PTPRD: variants seen among roughly 807,000 people sequenced by gnomAD.
The protein encoded by PTPRD is receptor-type tyrosine-protein phosphatase delta.
Under a neutral mutation model 214.5 loss-of-function variants are expected in PTPRD, and 34 were observed. The observed-to-expected ratio is 0.16, with a 90% CI of 0.12 to 0.21. The LOEUF (loss-of-function observed/expected upper bound fraction) is 0.21. Among genes scored for constraint, PTPRD ranks in the 10% least tolerant of loss-of-function variants. The pLI, the probability that PTPRD is intolerant of heterozygous loss-of-function variation, is 1.00. For missense variants in PTPRD, 2,545 were observed against 2,398.7 expected, an observed-to-expected ratio of 1.06 and a Z score of -1.27; for synonymous variants, 1,128 against 845.7, an observed-to-expected ratio of 1.33 and a Z score of -5.79.
In PTPRD at chr9:8,830,387, A is replaced by G. The variant is rs545611214; in HGVS notation, c.-103-96441T>C. On this transcript the variant is annotated intron_variant, in intron 11 of 45. Transcript: ENST00000381196. ...TTAAAAGATATGAGATAAATTTTAT[A>G]GAAATTGTAAGACTTCTGGGCACTC... Among the ~76,000 whole-genome samples, 5 of 152,324 alleles carry G rather than the reference A, an allele frequency of 3.3e-5. No individual in the cohort carries two copies. In the East Asian group the frequency reaches 9.6e-4, roughly 29 times the overall value.
intron 8 of PTPRD, among the ~76,000 whole-genome samples, chr9:9,548,244 A>T (rs117480491): frequency 0.016 from 2,498 of 152,064 alleles, 40 homozygotes; most frequent in Admixed American, 0.026. Flanking sequence ...CTAATAGAAG[A>T]TAAATAGCAA....
At chr9:9,423,313 C>G (rs556354982) in intron 8 of PTPRD, among the ~76,000 whole-genome samples, 7 of 151,964 alleles carry the variant, frequency 4.6e-5, no homozygotes, top group Non-Finnish European at 8.8e-5. Context: ...AATAAGAGAC[C>G]AGGGTTCTCT....
intron 3 of PTPRD, among the ~76,000 whole-genome samples, chr9:10,055,882 A>T (rs10958848): frequency 0.22 from 33,152 of 150,780 alleles, 4,514 homozygotes; most frequent in Middle Eastern, 0.38. Flanking sequence ...TATATATATA[A>T]ATGTATAATG....
chr9:8,357,296 G>C (rs1238971344), intron 39 of PTPRD, among the ~76,000 whole-genome samples: 1 of 152,176 alleles, frequency 6.6e-6, no homozygotes, highest in African/African-American at 2.4e-5. Flanking sequence ...TGAAGTTAAA[G>C]CTATTCCCTC....
At chr9:9,444,509 G>T (rs2089649311) in intron 8 of PTPRD, among the ~76,000 whole-genome samples, 1 of 152,160 alleles carries the variant, frequency 6.6e-6, no homozygotes, top group Non-Finnish European at 1.5e-5. Context: ...TTGGTAGAAT[G>T]AATTAACTTG....
chr9:8,918,671 C>T (rs1268185227), intron 11 of PTPRD, among the ~76,000 whole-genome samples: 1 of 152,096 alleles, frequency 6.6e-6, no homozygotes, highest in Non-Finnish European at 1.5e-5. Context: ...ATAAAAGGTG[C>T]TTTTCCTAAA....
intron 10 of PTPRD, among the ~76,000 whole-genome samples, chr9:9,157,133 C>A (rs1174060710): frequency 6.6e-6 from 1 of 152,058 alleles, no homozygotes; most frequent in Non-Finnish European, 1.5e-5. Context: ...GCAAAAGTAG[C>A]CCAAAGACAG....
At chr9:9,521,124 A>G (rs1339093484) in intron 8 of PTPRD, among the ~76,000 whole-genome samples, 1 of 152,278 alleles carries the variant, frequency 6.6e-6, no homozygotes, top group East Asian at 1.9e-4. Flanking sequence ...AGAACTAAAG[A>G]GCCCAAACCT....
chr9:9,300,646 T>C (rs1954917582), intron 9 of PTPRD, among the ~76,000 whole-genome samples: 1 of 151,816 alleles, frequency 6.6e-6, no homozygotes, highest in South Asian at 2.1e-4. Flanking sequence ...CTCTCTCACC[T>C]CTGTCTTCTG....
intron 36 of PTPRD, among the ~76,000 whole-genome samples, chr9:8,398,829 C>T (rs2091813269): frequency 6.6e-6 from 1 of 152,086 alleles, no homozygotes; most frequent in Non-Finnish European, 1.5e-5. Context: ...GACTCTAGAA[C>T]TACGAGGAAT....
chr9:10,483,889 T>G (rs2099115967), intron 2 of PTPRD, among the ~76,000 whole-genome samples: 1 of 152,044 alleles, frequency 6.6e-6, no homozygotes, highest in Non-Finnish European at 1.5e-5. Flanking sequence ...GAACTAAAAG[T>G]AGATCCACCA....
intron 14 of PTPRD, among the ~76,000 whole-genome samples, chr9:8,553,993 C>G (rs2082917535): frequency 6.6e-6 from 1 of 151,900 alleles, no homozygotes; most frequent in African/African-American, 2.4e-5. Flanking sequence ...TCGAGACTAG[C>G]CTGGCCAACA....
rs180783628 is a variant in PTPRD, at chr9:8,691,582, T to C, written c.64+42198A>G. Reference sequence around the variant, plus strand: ...TTTGAAACCTTCATTACATAAGAATTCTATTGGATTTGAAGGTGATTTGCC... The same window carrying C: ...TTTGAAACCTTCATTACATAAGAATCCTATTGGATTTGAAGGTGATTTGCC... On this transcript the variant is annotated intron_variant, in intron 12 of 45. Transcript: ENST00000381196. Among the ~76,000 whole-genome samples, 93 of 152,286 alleles carry C rather than the reference T, an allele frequency of 6.1e-4. 1 individual carries two copies. Among genetic ancestry groups the C allele is most frequent in the African/African-American group, 2.2e-3 (90 of 41,574 alleles).
chr9:8,599,910 G>A (rs977414072), intron 14 of PTPRD, among the ~76,000 whole-genome samples: 55 of 152,056 alleles, frequency 3.6e-4, no homozygotes, highest in African/African-American at 1.2e-3. Context: ...GAGCCACGGC[G>A]CCTGGCCGGC....
At position 10,116,415 on chromosome 9, in the gene PTPRD, A is replaced by C. The variant is rs138084385; in HGVS notation, c.-544-82625T>G. Among the ~76,000 whole-genome samples the C allele has an allele frequency of 3.1e-3, 478 of 152,258 alleles. 2 individuals are homozygous for C. Among genetic ancestry groups the C allele is most frequent in the African/African-American group, 0.011 (464 of 41,572 alleles). On this transcript the variant is annotated intron_variant, in intron 3 of 45. Transcript: ENST00000381196. ...CATATTCACAGTATCTGTTTTGGTC[A>C]CTAAAAGAAATCATAGATATTTTCG...
intron 5 of PTPRD, among the ~76,000 whole-genome samples, chr9:9,916,428 C>T (rs79426921): frequency 2.1e-4 from 32 of 151,976 alleles, no homozygotes; most frequent in East Asian, 5.8e-4. Context: ...GATAGGTGTA[C>T]GTCCTCACCT....
chr9:9,875,595 T>C (rs1242093835), intron 5 of PTPRD, among the ~76,000 whole-genome samples: 3 of 152,112 alleles, frequency 2.0e-5, no homozygotes, highest in African/African-American at 7.2e-5. Context: ...AATTATCTAA[T>C]ATCTAACTAA....
intron 8 of PTPRD, among the ~76,000 whole-genome samples, chr9:9,465,991 G>A (rs945503559): frequency 6.6e-6 from 1 of 151,960 alleles, no homozygotes; most frequent in Non-Finnish European, 1.5e-5. Context: ...TAATTCCATA[G>A]CATTGTATGA....
intron 2 of PTPRD, among the ~76,000 whole-genome samples, chr9:10,552,698 G>A (rs1431513233): frequency 1.3e-5 from 2 of 152,078 alleles, no homozygotes; most frequent in East Asian, 3.9e-4. Flanking sequence ...ATTTATGGCA[G>A]GAGATTTCTA....
Sources: gnomAD v4.1 joint callset for allele counts (sites outside exome capture counted in the v4.1 genomes callset) on GRCh38, gnomAD v4.1.1 for gene constraint, MANE v1.5 for transcripts, NCBI Gene and HGNC (gene_info 2026-07-23, HGNC 2026-07-21) for gene names.